The following APPL2 variants were observed in gnomAD, a reference collection of about 807,000 sequenced individuals.
The protein encoded by APPL2 is adaptor protein, phosphotyrosine interacting with PH domain and leucine zipper 2, also known as DCC-interacting protein 13-beta.
APPL2 carries 84 observed loss-of-function variants against 92.7 expected under a neutral mutation model. The observed-to-expected ratio is 0.91, with a 90% CI of 0.76 to 1.09. The LOEUF (loss-of-function observed/expected upper bound fraction) is 1.09. APPL2 is among the 50% of genes least tolerant of loss of function. APPL2 has a pLI of 0.00. For missense variants in APPL2, 736 were observed against 824.5 expected (o/e 0.89, Z 1.31); for synonymous variants, 291 against 291.0 (o/e 1.00, Z 0.00).
In APPL2 at chr12:105,235,951, G is replaced by A; in HGVS notation, c.54+8C>T. On this transcript the variant is annotated splice_region_variant and intron_variant, in intron 1 of 20. Coordinates refer to ENST00000258530, the MANE Select transcript of APPL2 (RefSeq NM_018171.5). Reference sequence around the variant, plus strand: ...GCGGGCGAGGGGCACCGGAGCGGCGGGAGGTACCTGGGGGCTGTCCTGCAA... The same window carrying A: ...GCGGGCGAGGGGCACCGGAGCGGCGAGAGGTACCTGGGGGCTGTCCTGCAA... The A allele has an allele frequency of 8.0e-7, 1 of 1,245,044 alleles. No homozygotes were observed. Among genetic ancestry groups the A allele is most frequent in the South Asian group, 3.7e-5 (1 of 26,720 alleles). The allele number at this position is 1,245,044 out of a possible 1,614,324, so 77.1% of individuals were successfully genotyped here. A position where few individuals can be genotyped will look rare whatever the true frequency, so the allele number is the denominator to read the frequency against.
At chr12:105,196,945 G>A (rs1230131247) in intron 11 of APPL2, among the ~76,000 whole-genome samples, 5 of 152,170 alleles carry the variant, frequency 3.3e-5, no homozygotes, top group Admixed American at 6.5e-5. Context: ...GAAGGATGAG[G>A]TCTAAAGCTG....
At chr12:105,208,066 C>A (rs770447049) in intron 6 of APPL2, 37 bp from the exon 7 acceptor site, 1 of 1,613,794 alleles carries the variant, frequency 6.2e-7, no homozygotes, top group African/African-American at 1.3e-5. Flanking sequence ...CCAGGAGGGT[C>A]AGGGTCGAAA....
chr12:105,224,052 C>T (rs1324631458), intron 2 of APPL2, among the ~76,000 whole-genome samples: 1 of 152,092 alleles, frequency 6.6e-6, no homozygotes, highest in Non-Finnish European at 1.5e-5. Flanking sequence ...TGAGCCTCAC[C>T]CAGAATAATC....
At chr12:105,224,552 C>T (rs1196769) in intron 2 of APPL2, among the ~76,000 whole-genome samples, 103,410 of 152,172 alleles carry the variant, frequency 0.68, 35,649 homozygotes, top group African/African-American at 0.79. Context: ...AATTCTGCCA[C>T]TCATCAGCTG....
chr12:105,193,884 C>T (rs937951460), intron 14 of APPL2, among the ~76,000 whole-genome samples: 29 of 152,170 alleles, frequency 1.9e-4, no homozygotes, highest in African/African-American at 6.3e-4. Context: ...TTCTGACCAT[C>T]GCCCATTTTC....
chr12:105,229,556 A>AAAAAGTG, intron 1 of APPL2: 1 of 1,016,934 alleles, frequency 9.8e-7, no homozygotes, highest in South Asian at 4.0e-5. Flanking sequence ...TATCCAATAA[A>AAAAAGTG]AAAAGTGTTT....
chr12:105,187,831 A>G (rs1886861556), intron 17 of APPL2, among the ~76,000 whole-genome samples: 1 of 152,192 alleles, frequency 6.6e-6, no homozygotes, highest in African/African-American at 2.4e-5. Context: ...TTTTGGTCAT[A>G]TCTGAAACCC....
intron 1 of APPL2, chr12:105,229,820 C>G: frequency 3.1e-6 from 3 of 961,058 alleles, no homozygotes; most frequent in Non-Finnish European, 3.7e-6. Context: ...CTCTTGTTGC[C>G]CAGGCTGGAG....
rs761259488 is a variant in APPL2, at chr12:105,176,205, C to G, written c.1813-123G>C. 10 of 838,844 alleles carry G rather than the reference C, an allele frequency of 1.2e-5. No individual in the cohort carries two copies. The Middle Eastern group carries it at 6.6e-4, about 55-fold the overall frequency. The allele number at this position is 838,844 out of a possible 1,614,324, so 52.0% of individuals were successfully genotyped here. A position where few individuals can be genotyped will look rare whatever the true frequency, so the allele number is the denominator to read the frequency against. ...CTGTTCCCACTTGGGAACACAGGAC[C>G]TGGCTGCAGGAGACTCATCACATAG... is the stretch of plus-strand genomic sequence containing the variant. On this transcript the variant is annotated intron_variant, in intron 19 of 20. Transcript: ENST00000258530.
At chr12:105,191,435 T>C (rs1278998682) in intron 14 of APPL2, among the ~76,000 whole-genome samples, 1 of 152,140 alleles carries the variant, frequency 6.6e-6, no homozygotes, top group African/African-American at 2.4e-5. Context: ...GGCTGTGATA[T>C]AATAAGTGGT....
At chr12:105,188,129 C>CTA (rs1886890753) in intron 17 of APPL2, 144 bp downstream of exon 17, 5 of 878,386 alleles carry the variant, frequency 5.7e-6, no homozygotes, top group Non-Finnish European at 8.5e-6. Context: ...ACTTTCTAGG[C>CTA]TATCTATCTT....
In APPL2 at chr12:105,176,968, T is replaced by G. The variant is rs1885602983; in HGVS notation, c.1720A>C (p.Arg574=). 3.7e-6 allele frequency: 6 copies of G among 1,614,104 alleles called. No homozygotes were observed. The highest frequency in any genetic ancestry group is 5.1e-6 in the Non-Finnish European group (6 of 1,180,008). Reference sequence around the variant, plus strand: ...ACACGGATGACAAAACCAACCAGTCTCTTGTTTTCTTGATGAGCAGCAAAT... The same window carrying G: ...ACACGGATGACAAAACCAACCAGTCGCTTGTTTTCTTGATGAGCAGCAAAT... ...TQFAAHQENK[R]LVGFVIRVPE... Residue 574 remains arginine, a synonymous_variant, in exon 19 of 21, where the codon AGA becomes CGA. Transcript: ENST00000258530.
intron 8 of APPL2, among the ~76,000 whole-genome samples, chr12:105,204,091 G>A (rs149543170): frequency 1.3e-5 from 2 of 152,286 alleles, no homozygotes; most frequent in African/African-American, 4.8e-5. Flanking sequence ...ATGGGAGAGG[G>A]GAAGAAGAAC....
In APPL2 at chr12:105,218,552, C is replaced by T. The variant is rs533013522; in HGVS notation, c.154-827G>A. On this transcript the variant is annotated intron_variant, in intron 2 of 20. Coordinates refer to ENST00000258530, the MANE Select transcript of APPL2 (RefSeq NM_018171.5). ...CCATGGGGACGAGCTTTCCAGGAGG[C>T]GCCAACACGTGGAAGAAATGCACTG... Among the ~76,000 whole-genome samples, 30 of 152,278 alleles carry T rather than the reference C, an allele frequency of 2.0e-4. No homozygotes were observed. The South Asian group carries it at 6.2e-3, about 32-fold the overall frequency.
chr12:105,183,080 T>C (rs1886267239), intron 17 of APPL2, among the ~76,000 whole-genome samples: 1 of 147,064 alleles, frequency 6.8e-6, no homozygotes, highest in Non-Finnish European at 1.5e-5. Context: ...CTTTTTTTTT[T>C]TTTTTTTTTT....
chr12:105,177,554 T>C (rs1290252211), intron 17 of APPL2: 130 of 429,728 alleles, frequency 3.0e-4, no homozygotes, highest in Non-Finnish European at 6.0e-5. Context: ...CCTCAACAGA[T>C]CTGCTATATA....
chr12:105,176,257 C>G, intron 19 of APPL2, 175 bp from the exon 20 acceptor site: 1 of 586,532 alleles, frequency 1.7e-6, no homozygotes, highest in Middle Eastern at 2.6e-4. Context: ...GTCCAACTGT[C>G]CTGACCTCTG....
chr12:105,233,865 G>A (rs1397005914), intron 1 of APPL2, among the ~76,000 whole-genome samples: 2 of 152,188 alleles, frequency 1.3e-5, no homozygotes, highest in Non-Finnish European at 2.9e-5. Flanking sequence ...GCATTTAGAA[G>A]AGTCCCTGGC....
Position 105,176,922 on chromosome 12 carries a change from T to C in APPL2, c.1766A>G (p.Glu589Gly). ...TTCAAAAATGTATGTACTCAGAGAT[T>C]CTTCTCCAGTGGATTCAGGAACACG... ...VIRVPESTGEESLSTYIFESN... is the reference protein window; with the variant it reads ...VIRVPESTGEGSLSTYIFESN... The change falls in exon 19 of 21, where the codon GAA (glutamate) becomes GGA (glycine). Residue 589 changes from glutamate to glycine, a missense_variant. Physicochemically the swap from Glu to Gly is moderately conservative, Grantham distance 98. Transcript: ENST00000258530. The C allele has an allele frequency of 6.2e-7, 1 of 1,614,160 alleles. No homozygotes were observed. Among genetic ancestry groups the C allele is most frequent in the Non-Finnish European group, 8.5e-7 (1 of 1,180,020 alleles).
Sources: allele counts gnomAD v4.1 joint callset (sites outside exome capture counted in the v4.1 genomes callset), GRCh38; gene constraint gnomAD v4.1.1; transcripts MANE v1.5; gene names NCBI Gene and HGNC (gene_info 2026-07-23, HGNC 2026-07-21).